The following TMC5 variants were observed in gnomAD, a reference collection of about 807,000 sequenced individuals.
TMC5 encodes the protein transmembrane channel-like protein 5.
TMC5 carries 86 observed loss-of-function variants against 110.5 expected under a neutral mutation model. The ratio of observed to expected loss-of-function variants is 0.78; its 90% CI spans 0.65 to 0.93. TMC5 has a LOEUF of 0.93. TMC5 is among the 40% of genes least tolerant of loss of function. The probability of loss-of-function intolerance (pLI) is 0.00; values close to 1 mark genes in which losing one functional copy is unlikely to be tolerated. For synonymous variants in TMC5, 455 were observed against 439.5 expected (o/e 1.04, Z -0.44); for missense variants, 1,144 against 1,222.8 (o/e 0.94, Z 0.96).
In TMC5 at chr16:19,440,741, C is replaced by T; in HGVS notation, c.703C>T (p.Pro235Ser). The T allele has an allele frequency of 6.2e-7, 1 of 1,614,096 alleles. No individual in the cohort carries two copies. The highest frequency in any genetic ancestry group is 8.5e-7 in the Non-Finnish European group (1 of 1,180,026). ...CAGTGCTGAGGACAATCAGAACTTG[C>T]CAAGCACTTGGAGAGAACCTGATTA... is the stretch of plus-strand genomic sequence containing the variant. ...YPSAEDNQNL[P>S]STWREPDYSD... Residue 235 changes from proline to serine, a missense_variant, in exon 3 of 22, where the codon CCA (proline) becomes TCA (serine). Physicochemically the swap from Pro to Ser is moderately conservative, Grantham distance 74. Transcript: ENST00000542583.
chr16:19,489,845 G>C (rs539903398), intron 17 of TMC5, among the ~76,000 whole-genome samples: 1 of 151,248 alleles, frequency 6.6e-6, no homozygotes, highest in Non-Finnish European at 1.5e-5. Context: ...CTGAAGTACA[G>C]TGGTGTGATC....
Position 19,463,958 on chromosome 16 carries a change from C to T in TMC5, c.1419C>T (p.Ile473=). The change falls in exon 8 of 22, where the codon ATC becomes ATT. Residue 473 remains isoleucine, a synonymous_variant. Coordinates refer to ENST00000542583, the MANE Select transcript of TMC5 (RefSeq NM_001261841.2). ...SFILNFSFII[I]PQFTVAKKNT... is the part of the protein sequence containing the mutation. The stretch of plus-strand genomic sequence containing the variant: ...TCCTGAACTTCAGCTTCATCATAAT[C>T]CCTCAGTTTACCGTGGCCAAAAAGA... 6.2e-7 allele frequency: 1 copy of T among 1,614,136 alleles called. No individual in the cohort carries two copies. The highest frequency in any genetic ancestry group is 1.3e-5 in the African/African-American group (1 of 75,036).
intron 7 of TMC5, 152 bp from the exon 8 acceptor site, chr16:19,463,624 G>C: frequency 9.3e-7 from 1 of 1,073,226 alleles, no homozygotes; most frequent in East Asian, 2.4e-5. Context: ...CTCCACCTTA[G>C]AGTTGACATA....
chr16:19,458,833 C>T (rs937027918), intron 5 of TMC5, among the ~76,000 whole-genome samples: 4 of 152,152 alleles, frequency 2.6e-5, no homozygotes, highest in African/African-American at 9.7e-5. Context: ...TATGTCATTA[C>T]GATGAACATT....
At chr16:19,458,153 C>T (rs1282480541) in intron 5 of TMC5, among the ~76,000 whole-genome samples, 1 of 152,078 alleles carries the variant, frequency 6.6e-6, no homozygotes, top group Non-Finnish European at 1.5e-5. Context: ...TAGCTGAGAC[C>T]TTCCAGCCTC....
chr16:19,484,724 G>A (rs527893481), intron 15 of TMC5, among the ~76,000 whole-genome samples: 3 of 151,034 alleles, frequency 2.0e-5, no homozygotes, highest in Admixed American at 6.6e-5. Flanking sequence ...TCATGCCACT[G>A]GCTGCACTCC....
At chr16:19,442,049 T>C (rs970384982) in intron 3 of TMC5, among the ~76,000 whole-genome samples, 1 of 152,196 alleles carries the variant, frequency 6.6e-6, no homozygotes, top group Non-Finnish European at 1.5e-5. Context: ...GTGATCCACC[T>C]GCCTCAGCCT....
intron 10 of TMC5, among the ~76,000 whole-genome samples, chr16:19,470,904 C>T (rs1271501365): frequency 1.3e-5 from 2 of 151,570 alleles, no homozygotes; most frequent in Non-Finnish European, 2.9e-5. Flanking sequence ...GGCGTGGTGG[C>T]GGGCACCTGT....
intron 1 of TMC5, among the ~76,000 whole-genome samples, chr16:19,424,464 A>G (rs1967049490): frequency 6.6e-6 from 1 of 152,148 alleles, no homozygotes; most frequent in Admixed American, 6.5e-5. Context: ...CAGCCTGGGC[A>G]ACATGGCAGA....
intron 5 of TMC5, chr16:19,456,585 T>C (rs965396325): frequency 2.0e-6 from 3 of 1,475,368 alleles, no homozygotes; most frequent in Non-Finnish European, 2.7e-6. Flanking sequence ...ATGTGAATGG[T>C]GTATCCCTTT....
intron 2 of TMC5, among the ~76,000 whole-genome samples, chr16:19,434,263 A>G (rs1223983732): frequency 8.1e-6 from 1 of 123,976 alleles, no homozygotes; most frequent in African/African-American, 3.2e-5. Flanking sequence ...ATATATATCT[A>G]TAATATATAT....
chr16:19,417,094 C>CAAAAAAAAAAA (rs60613963), upstream of TMC5, among the ~76,000 whole-genome samples: 2 of 69,168 alleles, frequency 2.9e-5, no homozygotes, highest in Non-Finnish European at 4.8e-5. Context: ...ACTCAGTCTT[C>CAAAAAAAAAAA]AAAAAAAAAA....
chr16:19,452,074 C>T (rs544790700), intron 5 of TMC5, among the ~76,000 whole-genome samples: 3 of 152,318 alleles, frequency 2.0e-5, no homozygotes, highest in East Asian at 3.9e-4. Flanking sequence ...GCTGGGATTA[C>T]AGGCATGAGC....
At chr16:19,486,828 T>C in intron 15 of TMC5, 117 bp from the exon 16 acceptor site, 1 of 847,852 alleles carries the variant, frequency 1.2e-6, no homozygotes, top group Non-Finnish European at 1.9e-6. Context: ...ATATGGATTT[T>C]GGGGACACAC....
At chr16:19,467,126 A>G (rs1445358996) in intron 9 of TMC5, among the ~76,000 whole-genome samples, 1 of 152,136 alleles carries the variant, frequency 6.6e-6, no homozygotes, top group African/African-American at 2.4e-5. Context: ...AGCCTGAGCA[A>G]CTGGAGATCC....
Position 19,466,073 on chromosome 16 carries a change from A to G in TMC5, c.1486-9A>G, listed in dbSNP as rs200115132. 481 of 1,613,338 alleles carry G rather than the reference A, an allele frequency of 3.0e-4. 10 individuals are homozygous for G. In the East Asian group the frequency reaches 0.01, roughly 35 times the overall value. On this transcript the variant is annotated splice_polypyrimidine_tract_variant and intron_variant, in intron 8 of 21. Transcript: ENST00000542583. ...ATCCACCTGACCTATGGTTTATTGTACCTTTCAGGGTTATTTTAGGGACAC... is the reference window on the plus strand; with the variant it reads ...ATCCACCTGACCTATGGTTTATTGTGCCTTTCAGGGTTATTTTAGGGACAC...
At chr16:19,424,153 A>G (rs1012176312) in intron 1 of TMC5, among the ~76,000 whole-genome samples, 5 of 152,198 alleles carry the variant, frequency 3.3e-5, no homozygotes, top group African/African-American at 1.2e-4. Context: ...AACTTTAGAT[A>G]TCAATTTCAA....
chr16:19,493,356 T>A (rs1968964074), intron 19 of TMC5, among the ~76,000 whole-genome samples: 1 of 152,130 alleles, frequency 6.6e-6, no homozygotes, highest in African/African-American at 2.4e-5. Flanking sequence ...AATGTTTACA[T>A]TTCCCCAACT....
chr16:19,489,940 T>C (rs1968845613), intron 17 of TMC5, among the ~76,000 whole-genome samples: 1 of 151,956 alleles, frequency 6.6e-6, no homozygotes, highest in Non-Finnish European at 1.5e-5. Context: ...AGGCATGTGC[T>C]GCCATGCCCA....
Sources: gnomAD v4.1 joint callset for allele counts (sites outside exome capture counted in the v4.1 genomes callset) on GRCh38, gnomAD v4.1.1 for gene constraint, MANE v1.5 for transcripts, NCBI Gene and HGNC (gene_info 2026-07-23, HGNC 2026-07-21) for gene names.